SEC14L1: variants seen among roughly 807,000 people sequenced by gnomAD.
SEC14L1 encodes SEC14 like lipid binding 1.
Under a neutral mutation model 85.3 loss-of-function variants are expected in SEC14L1, and 48 were observed. The observed-to-expected ratio is 0.56, with a 90% CI of 0.45 to 0.72. The LOEUF (loss-of-function observed/expected upper bound fraction) is 0.72, where lower values mean the gene tolerates loss of function less well. SEC14L1 is among the 30% of genes least tolerant of loss of function. SEC14L1 has a pLI of 0.00. For synonymous variants in SEC14L1, 391 were observed against 355.5 expected, an observed-to-expected ratio of 1.10 and a Z score of -1.12; for missense variants, 682 against 921.4, an observed-to-expected ratio of 0.74 and a Z score of 3.36.
chr17:77,196,383 G>A lies in SEC14L1; in HGVS notation c.819+72G>A. 3.4e-6 allele frequency: 3 copies of A among 874,226 alleles called. No homozygotes were observed. In the South Asian group the frequency reaches 4.9e-5, roughly 14 times the overall value. 54.2% of individuals were successfully genotyped at this position (874,226 alleles called of 1,614,324 possible). Reference sequence around the variant, plus strand: ...AATCATGGAATCTCTTTCTGTCATAGTCACCAAGAGTGATATTCCCAACTT... The same window carrying A: ...AATCATGGAATCTCTTTCTGTCATAATCACCAAGAGTGATATTCCCAACTT... On this transcript the variant is annotated intron_variant, in intron 8 of 16. Transcript: ENST00000436233.
intron 3 of SEC14L1, among the ~76,000 whole-genome samples, chr17:77,186,963 T>C (rs538640308): frequency 6.6e-6 from 1 of 152,346 alleles, no homozygotes; most frequent in Admixed American, 6.5e-5. Context: ...GAATTCACAG[T>C]TCTAACCTCG....
chr17:77,186,442 A>G (rs1975270874), intron 3 of SEC14L1, among the ~76,000 whole-genome samples: 1 of 152,238 alleles, frequency 6.6e-6, no homozygotes, highest in Non-Finnish European at 1.5e-5. Flanking sequence ...CTCTCCACGC[A>G]GAGCGTGTTC....
At chr17:77,204,522 CTTTTTTTTTTTTTTT>C (rs745921636) in intron 10 of SEC14L1, among the ~76,000 whole-genome samples, 1 of 84,728 alleles carries the variant, frequency 1.2e-5, no homozygotes, top group South Asian at 4.5e-4. Flanking sequence ...GCCCAGCCAG[CTTTTTTTTTTTTTTT>C]TTTTTTTTTT....
intron 3 of SEC14L1, among the ~76,000 whole-genome samples, chr17:77,155,435 C>T (rs1023218697): frequency 6.6e-6 from 1 of 152,222 alleles, no homozygotes; most frequent in African/African-American, 2.4e-5. Context: ...GGTACCTTAC[C>T]CTCAGAGCAG....
At chr17:77,145,409 T>G (rs1440484703) in intron 3 of SEC14L1, among the ~76,000 whole-genome samples, 1 of 152,204 alleles carries the variant, frequency 6.6e-6, no homozygotes, top group Non-Finnish European at 1.5e-5. Context: ...ATCCCCCTGG[T>G]GAAGGTTCTG....
chr17:77,151,128 G>A (rs543471661), intron 3 of SEC14L1, among the ~76,000 whole-genome samples: 4 of 152,126 alleles, frequency 2.6e-5, no homozygotes, highest in African/African-American at 4.8e-5. Flanking sequence ...TTACCCAAAC[G>A]AATAAGCAAT....
intron 3 of SEC14L1, chr17:77,128,027 G>A (rs1297672893): frequency 6.6e-6 from 1 of 152,248 alleles, no homozygotes; most frequent in East Asian, 1.9e-4. Flanking sequence ...CACCTCCAGA[G>A]CTTACGGCCT....
chr17:77,209,193 C>T, intron 13 of SEC14L1, 149 bp from the exon 14 acceptor site: 1 of 810,674 alleles, frequency 1.2e-6, no homozygotes, highest in Non-Finnish European at 1.9e-6. Context: ...CTCAGTAGTG[C>T]AGAGTGTTTT....
At chr17:77,208,181 A>G (rs1264984370) in intron 13 of SEC14L1, among the ~76,000 whole-genome samples, 2 of 152,212 alleles carry the variant, frequency 1.3e-5, no homozygotes, top group Non-Finnish European at 2.9e-5. Flanking sequence ...AAACAAATGA[A>G]TTTAGCTTTC....
intron 13 of SEC14L1, among the ~76,000 whole-genome samples, chr17:77,207,562 C>A (rs1026173743): frequency 1.3e-5 from 2 of 152,166 alleles, no homozygotes; most frequent in African/African-American, 4.8e-5. Context: ...AGCGATTCTT[C>A]AGTCTCAGCC....
chr17:77,105,142 G>C (rs1390530386), intron 3 of SEC14L1, among the ~76,000 whole-genome samples: 1 of 152,026 alleles, frequency 6.6e-6, no homozygotes, highest in Non-Finnish European at 1.5e-5. Context: ...GCAGGGGGGC[G>C]ACTTTGAATA....
chr17:77,204,522 CTTTTTTTTTTTTT>C (rs745921636), intron 10 of SEC14L1, among the ~76,000 whole-genome samples: 24 of 84,728 alleles, frequency 2.8e-4, no homozygotes, highest in Non-Finnish European at 5.3e-4. Flanking sequence ...GCCCAGCCAG[CTTTTTTTTTTTTT>C]TTTTTTTTTT....
intron 1 of SEC14L1, among the ~76,000 whole-genome samples, chr17:77,142,114 A>G (rs1238717795): frequency 1.3e-5 from 2 of 152,110 alleles, no homozygotes; most frequent in Non-Finnish European, 2.9e-5. Context: ...CAGAGATGAA[A>G]CTGAGTCCTA....
intron 3 of SEC14L1, among the ~76,000 whole-genome samples, chr17:77,112,425 C>T (rs1247463158): frequency 2.0e-5 from 3 of 152,070 alleles, no homozygotes; most frequent in African/African-American, 7.2e-5. Context: ...TCTATATTTT[C>T]AGAAGTTTTC....
intron 3 of SEC14L1, among the ~76,000 whole-genome samples, chr17:77,190,137 G>C (rs1041768966): frequency 6.6e-6 from 1 of 151,954 alleles, no homozygotes; most frequent in African/African-American, 2.4e-5. Flanking sequence ...TTTTATACAA[G>C]GTGTGAGGTT....
At chr17:77,107,933 G>A (rs777412460) in intron 3 of SEC14L1, among the ~76,000 whole-genome samples, 1 of 151,974 alleles carries the variant, frequency 6.6e-6, no homozygotes, top group Non-Finnish European at 1.5e-5. Context: ...AAACAGAGAC[G>A]GGGTCTCACT....
chr17:77,182,978 C>CGCTGTGCTGCGCACCAG (rs1350713495), intron 3 of SEC14L1, among the ~76,000 whole-genome samples: 1 of 152,256 alleles, frequency 6.6e-6, no homozygotes, highest in East Asian at 1.9e-4. Context: ...GGCCCCGTCC[C>CGCTGTGCTGCGCACCAG]GCTGTGCTGC....
intron 3 of SEC14L1, among the ~76,000 whole-genome samples, chr17:77,180,789 CTT>C (rs537259784): frequency 1.1e-3 from 166 of 152,294 alleles, no homozygotes; most frequent in African/African-American, 3.6e-3. Context: ...GGGATCCTGA[CTT>C]TTCTTTGAAA....
At chr17:77,192,538 G>A (rs3826282) in intron 5 of SEC14L1, among the ~76,000 whole-genome samples, 1 of 152,026 alleles carries the variant, frequency 6.6e-6, no homozygotes, top group Non-Finnish European at 1.5e-5. Context: ...CAAGGTGCTC[G>A]CTGTGCCGTG....
Sources: gnomAD v4.1 joint callset for allele counts (sites outside exome capture counted in the v4.1 genomes callset) on GRCh38, gnomAD v4.1.1 for gene constraint, MANE v1.5 for transcripts, NCBI Gene and HGNC (gene_info 2026-07-23, HGNC 2026-07-21) for gene names.